The following MARCHF1 variants were observed in gnomAD, a reference collection of about 807,000 sequenced individuals.
MARCHF1 encodes E3 ubiquitin-protein ligase MARCHF1.
Under a neutral mutation model 54.2 loss-of-function variants are expected in MARCHF1, and 40 were observed. The ratio of observed to expected loss-of-function variants is 0.74; its 90% CI spans 0.57 to 0.96. The LOEUF (loss-of-function observed/expected upper bound fraction) is 0.96. Among genes scored for constraint, MARCHF1 ranks in the 40% least tolerant of loss-of-function variants. MARCHF1 has a pLI of 0.00. For missense variants in MARCHF1, 586 were observed against 656.5 expected (o/e 0.89, Z 1.17); for synonymous variants, 236 against 236.3 (o/e 1.00, Z 0.01).
At chr4:164,209,477 AGATGGATT>A (rs1157160300) in intron 1 of MARCHF1, among the ~76,000 whole-genome samples, 3 of 152,152 alleles carry the variant, frequency 2.0e-5, no homozygotes, top group Admixed American at 1.3e-4. Flanking sequence ...CAAGAGGAGG[AGATGGATT>A]GATTAGAAGC....
intron 4 of MARCHF1, among the ~76,000 whole-genome samples, chr4:163,798,924 C>T (rs555207650): frequency 7.2e-5 from 11 of 151,998 alleles, no homozygotes; most frequent in Admixed American, 1.3e-4. Flanking sequence ...AGCGCATGCC[C>T]GGCACTGTCC....
At chr4:164,156,664 C>T (rs1443423719) in intron 1 of MARCHF1, among the ~76,000 whole-genome samples, 2 of 152,128 alleles carry the variant, frequency 1.3e-5, no homozygotes, top group Non-Finnish European at 1.5e-5. Context: ...TCAAGCAATC[C>T]ACTCACCTTG....
intron 1 of MARCHF1, among the ~76,000 whole-genome samples, chr4:164,264,534 T>C (rs1341270346): frequency 1.3e-5 from 2 of 151,956 alleles, no homozygotes; most frequent in Non-Finnish European, 2.9e-5. Context: ...TGGTAATATG[T>C]AATATGAAAA....
chr4:164,132,626 C>T (rs1407680869), intron 1 of MARCHF1, among the ~76,000 whole-genome samples: 1 of 152,064 alleles, frequency 6.6e-6, no homozygotes, highest in African/African-American at 2.4e-5. Context: ...ATTCCTTTGC[C>T]AACATTTGAA....
rs1387579624 is a variant in MARCHF1 at position 163,557,038 on chromosome 4, C to T, written c.1192-11295G>A. Among the ~76,000 whole-genome samples the T allele has an allele frequency of 4.6e-5, 7 of 152,038 alleles. No homozygotes were observed. The South Asian group carries it at 1.4e-3, about 31-fold the overall frequency. ...TCGGAGACATTTTCCAAGTTAAAGT[C>T]CTTGCTTTAAACTGCTCTCCCTTGA... On this transcript the variant is annotated intron_variant, in intron 8 of 9. Transcript: ENST00000514618.
chr4:164,143,919 A>G (rs1253031340), intron 1 of MARCHF1, among the ~76,000 whole-genome samples: 1 of 152,238 alleles, frequency 6.6e-6, no homozygotes, highest in East Asian at 1.9e-4. Flanking sequence ...TGCTGTATTC[A>G]TGAAACCCAT....
At chr4:163,564,774 TAGTG>T (rs1391348257) in intron 8 of MARCHF1, among the ~76,000 whole-genome samples, 1 of 152,186 alleles carries the variant, frequency 6.6e-6, no homozygotes, top group Non-Finnish European at 1.5e-5. Context: ...TTCTTGCTAA[TAGTG>T]AGCCAGCAGA....
intron 1 of MARCHF1, among the ~76,000 whole-genome samples, chr4:164,335,229 C>T (rs72991327): frequency 0.01 from 1,526 of 152,218 alleles, 22 homozygotes; most frequent in African/African-American, 0.035. Context: ...GCAACACATG[C>T]TGCAGAGAAA....
intron 5 of MARCHF1, among the ~76,000 whole-genome samples, chr4:163,671,834 AT>A (rs566922360): frequency 4.2e-3 from 644 of 151,856 alleles, no homozygotes; most frequent in African/African-American, 0.014. Context: ...GAAAGGTACT[AT>A]TTTTTTTCTA....
chr4:164,348,306 A>G (rs1477698824), intron 1 of MARCHF1, among the ~76,000 whole-genome samples: 1 of 152,204 alleles, frequency 6.6e-6, no homozygotes, highest in African/African-American at 2.4e-5. Flanking sequence ...AAGGAAGAAG[A>G]AAGATTCATC....
chr4:164,163,784 A>G (rs537616265), intron 1 of MARCHF1, among the ~76,000 whole-genome samples: 8 of 151,944 alleles, frequency 5.3e-5, no homozygotes, highest in Non-Finnish European at 1.0e-4. Context: ...ATACCAAACT[A>G]TACATTTCTT....
chr4:163,562,252 G>A (rs536838508), intron 8 of MARCHF1, among the ~76,000 whole-genome samples: 9 of 152,090 alleles, frequency 5.9e-5, no homozygotes, highest in South Asian at 2.1e-4. Flanking sequence ...AGCAGAGATC[G>A]CGCCACTGCA....
At position 164,032,924 on chromosome 4, in the gene MARCHF1, C is replaced by T. The variant is rs189093325; in HGVS notation, c.-247-44215G>A. ...AAACTATACTACAAGTCTATAGTAA[C>T]GAAAACAGCATGGTACTTGTACCAA... On this transcript the variant is annotated intron_variant, in intron 2 of 9. Coordinates refer to ENST00000514618, the MANE Select transcript of MARCHF1 (RefSeq NM_001394959.1). Among the ~76,000 whole-genome samples, 62 of 152,184 alleles carry T rather than the reference C, an allele frequency of 4.1e-4. No homozygotes were observed. In the East Asian group the frequency reaches 6.6e-3, roughly 16 times the overall value.
intron 4 of MARCHF1, among the ~76,000 whole-genome samples, chr4:163,703,288 G>A (rs377289224): frequency 7.7e-4 from 116 of 151,516 alleles, no homozygotes; most frequent in African/African-American, 2.5e-3. Context: ...TTTGATTCTG[G>A]CACATAAAAT....
chr4:163,600,324 C>A (rs1740922257), intron 7 of MARCHF1, among the ~76,000 whole-genome samples: 1 of 152,154 alleles, frequency 6.6e-6, no homozygotes, highest in African/African-American at 2.4e-5. Flanking sequence ...ATTAAATTAT[C>A]TGGCATGCTT....
chr4:164,195,577 C>G (rs7675631), intron 1 of MARCHF1, among the ~76,000 whole-genome samples: 1 of 152,104 alleles, frequency 6.6e-6, no homozygotes, highest in Non-Finnish European at 1.5e-5. Flanking sequence ...TGCCCTCATT[C>G]TAGCTCTATG....
Position 163,954,990 on chromosome 4 carries a change from A to G in MARCHF1, c.-39+33511T>C, listed in dbSNP as rs80252051. On this transcript the variant is annotated intron_variant, in intron 3 of 9. Coordinates refer to ENST00000514618, the MANE Select transcript of MARCHF1 (RefSeq NM_001394959.1). ...CACATTTGTCTGCCTCCGGGAAACC[A>G]ATTCCAGATTTTAGCAACATTCTTT... 3.8e-3 allele frequency among the ~76,000 whole-genome samples: 579 copies of G among 152,204 alleles called. 5 individuals carry two copies. Among genetic ancestry groups the G allele is most frequent in the South Asian group, 0.015 (74 of 4,824 alleles).
At chr4:164,004,070 T>C (rs920636062) in intron 2 of MARCHF1, among the ~76,000 whole-genome samples, 6 of 151,858 alleles carry the variant, frequency 4.0e-5, no homozygotes, top group African/African-American at 1.2e-4. Context: ...TCACTCATAA[T>C]TGAAAAGTGA....
At chr4:163,787,878 G>A (rs1455059278) in intron 4 of MARCHF1, among the ~76,000 whole-genome samples, 1 of 151,918 alleles carries the variant, frequency 6.6e-6, no homozygotes, top group Non-Finnish European at 1.5e-5. Context: ...TACATGCAAT[G>A]GGATATTATA....
Sources: gnomAD v4.1 joint callset for allele counts (sites outside exome capture counted in the v4.1 genomes callset) on GRCh38, gnomAD v4.1.1 for gene constraint, MANE v1.5 for transcripts, NCBI Gene and HGNC (gene_info 2026-07-23, HGNC 2026-07-21) for gene names.